Variants in MITF observed in about 807,000 individuals in gnomAD.
The protein encoded by MITF is melanocyte inducing transcription factor.
Under a neutral mutation model 60.5 loss-of-function variants are expected in MITF, and 17 were observed. That is an observed-to-expected ratio of 0.28 (90% confidence interval 0.19 to 0.42). The LOEUF is 0.42. Ranked by LOEUF, MITF falls within the 10% of genes least tolerant of loss-of-function variation. The probability of loss-of-function intolerance (pLI) is 1.00; values close to 1 mark genes in which losing one functional copy is unlikely to be tolerated. For missense variants in MITF, 622 were observed against 683.5 expected, an observed-to-expected ratio of 0.91 and a Z score of 1.00; for synonymous variants, 260 against 248.5, an observed-to-expected ratio of 1.05 and a Z score of -0.43.
At chr3:69,753,562 C>T (rs1162159961) in intron 1 of MITF, among the ~76,000 whole-genome samples, 1 of 152,206 alleles carries the variant, frequency 6.6e-6, no homozygotes, top group Non-Finnish European at 1.5e-5. Context: ...GCAGTCAATG[C>T]CAGCCCTTGA....
intron 1 of MITF, among the ~76,000 whole-genome samples, chr3:69,752,574 G>A (rs1408536865): frequency 6.6e-6 from 1 of 152,174 alleles, no homozygotes; most frequent in Non-Finnish European, 1.5e-5. Flanking sequence ...ACTGGCAGAA[G>A]AAATTTCTAA....
At chr3:69,762,266 T>A (rs903235978) in intron 1 of MITF, among the ~76,000 whole-genome samples, 11 of 152,250 alleles carry the variant, frequency 7.2e-5, no homozygotes, top group South Asian at 2.1e-4. Context: ...TAGTGGGTTC[T>A]ATCAGTGATG....
intron 2 of MITF, among the ~76,000 whole-genome samples, chr3:69,896,922 T>G (rs1575909741): frequency 6.6e-6 from 1 of 152,236 alleles, no homozygotes; most frequent in East Asian, 1.9e-4. Context: ...GTGGTTTGTG[T>G]TGAGTGGAAA....
intron 1 of MITF, among the ~76,000 whole-genome samples, chr3:69,807,138 T>C (rs1031312435): frequency 2.0e-5 from 3 of 152,314 alleles, no homozygotes; most frequent in Non-Finnish European, 4.4e-5. Context: ...CCATATTCTC[T>C]CTTAAGTTAC....
chr3:69,804,796 A>G (rs1213589866), intron 1 of MITF, among the ~76,000 whole-genome samples: 1 of 152,200 alleles, frequency 6.6e-6, no homozygotes, highest in Non-Finnish European at 1.5e-5. Context: ...AAGATCTGGG[A>G]GTTGGCTGTC....
chr3:69,928,112 G>A (rs575138500), intron 2 of MITF, among the ~76,000 whole-genome samples: 4 of 152,240 alleles, frequency 2.6e-5, no homozygotes, highest in African/African-American at 7.2e-5. Flanking sequence ...AAAAATGGGC[G>A]GCATGCCCCA....
intron 2 of MITF, among the ~76,000 whole-genome samples, chr3:69,901,151 G>A (rs1307920929): frequency 6.8e-6 from 1 of 147,878 alleles, no homozygotes; most frequent in Non-Finnish European, 1.5e-5. Flanking sequence ...TCCTAGACCA[G>A]CTAGATAAAA....
At chr3:69,835,918 TTTC>T (rs1378012499) in intron 1 of MITF, among the ~76,000 whole-genome samples, 9 of 152,160 alleles carry the variant, frequency 5.9e-5, no homozygotes, top group Non-Finnish European at 1.2e-4. Flanking sequence ...GTGATGCTTC[TTTC>T]TTCTTTTTGC....
chr3:69,815,221 A>T (rs542399603), intron 1 of MITF, among the ~76,000 whole-genome samples: 1 of 152,296 alleles, frequency 6.6e-6, no homozygotes, highest in East Asian at 1.9e-4. Context: ...AGTCCTGAAG[A>T]TAGGCCTTTC....
intron 2 of MITF, among the ~76,000 whole-genome samples, chr3:69,895,562 T>A (rs1349723875): frequency 6.6e-6 from 1 of 152,002 alleles, no homozygotes; most frequent in African/African-American, 2.4e-5. Context: ...AAATCCCTAA[T>A]ATTAAAATTT....
At chr3:69,760,521 A>C (rs1213121505) in intron 1 of MITF, among the ~76,000 whole-genome samples, 1 of 152,214 alleles carries the variant, frequency 6.6e-6, no homozygotes, top group Non-Finnish European at 1.5e-5. Context: ...CCCACTTGGA[A>C]TTACATGCAA....
At chr3:69,764,096 C>T (rs1369385596) in intron 1 of MITF, among the ~76,000 whole-genome samples, 1 of 152,178 alleles carries the variant, frequency 6.6e-6, no homozygotes, top group Admixed American at 6.5e-5. Flanking sequence ...GTTCAGTTCA[C>T]TTGTTTCAGT....
intron 1 of MITF, among the ~76,000 whole-genome samples, chr3:69,804,328 C>T (rs192785034): frequency 1.3e-5 from 2 of 149,868 alleles, no homozygotes; most frequent in Non-Finnish European, 1.5e-5. Context: ...TACCCCCTTT[C>T]CCCTTTACTC....
intron 4 of MITF, 123 bp from the exon 5 acceptor site, chr3:69,941,113 C>G (rs1434055685): frequency 1.5e-6 from 1 of 656,092 alleles, no homozygotes; most frequent in Admixed American, 2.7e-5. Flanking sequence ...AGGACAGTTA[C>G]TTCTTAGAAT....
intron 2 of MITF, among the ~76,000 whole-genome samples, chr3:69,928,088 A>G (rs555968265): frequency 2.0e-5 from 3 of 152,334 alleles, no homozygotes; most frequent in African/African-American, 7.2e-5. Context: ...GTTTTCCAAT[A>G]AAACCTTATT....
At chr3:69,846,430 C>G (rs1047251312) in intron 1 of MITF, among the ~76,000 whole-genome samples, 1 of 152,086 alleles carries the variant, frequency 6.6e-6, no homozygotes, top group Non-Finnish European at 1.5e-5. Flanking sequence ...TAGTTTCTAC[C>G]CAGTGCCAAG....
chr3:69,781,485 C>CACCAGCG (rs2062563284), intron 1 of MITF, among the ~76,000 whole-genome samples: 1 of 152,144 alleles, frequency 6.6e-6, no homozygotes, highest in African/African-American at 2.4e-5. Context: ...GTAAAGACGA[C>CACCAGCG]ACCAGCGAGC....
chr3:69,836,923 G>C (rs916586705), intron 1 of MITF, among the ~76,000 whole-genome samples: 1 of 152,160 alleles, frequency 6.6e-6, no homozygotes, highest in African/African-American at 2.4e-5. Context: ...GATTCCCCCA[G>C]CGTGTTGTAG....
rs905986758 is a variant in MITF at position 69,966,251 on chromosome 3, T to G, written c.*1003T>G. On this transcript the variant is annotated 3_prime_UTR_variant, in exon 10 of 10. Transcript: ENST00000352241. ...GAATATGCATCTTAAAATGGCAAGT[T>G]TTCCATATTTTTACAACTCACTGGT... 7 of 232,740 alleles carry G rather than the reference T, an allele frequency of 3.0e-5. No individual in the cohort carries two copies. Among genetic ancestry groups the G allele is most frequent in the Non-Finnish European group, 6.0e-5 (7 of 117,600 alleles). 14.4% of individuals were successfully genotyped at this position (232,740 alleles called of 1,614,324 possible). A position where few individuals can be genotyped will look rare whatever the true frequency, so the allele number is the denominator to read the frequency against.
Sources: allele counts gnomAD v4.1 joint callset (sites outside exome capture counted in the v4.1 genomes callset), GRCh38; gene constraint gnomAD v4.1.1; transcripts MANE v1.5; gene names NCBI Gene and HGNC (gene_info 2026-07-23, HGNC 2026-07-21).